TTC6: variants seen among roughly 807,000 people sequenced by gnomAD.
TTC6 encodes the protein tetratricopeptide repeat protein 6.
A neutral mutation model predicts 210.4 loss-of-function variants in TTC6; 172 were observed. The observed-to-expected ratio is 0.82, with a 90% CI of 0.72 to 0.93. The LOEUF is 0.93. Ranked by LOEUF, TTC6 falls within the 40% of genes least tolerant of loss-of-function variation. TTC6 has a pLI of 0.00. For synonymous variants in TTC6, 804 were observed against 819.6 expected, an observed-to-expected ratio of 0.98 and a Z score of 0.32; for missense variants, 2,414 against 2,318.1, an observed-to-expected ratio of 1.04 and a Z score of -0.85.
rs555171405 is a variant in TTC6 at position 37,623,356 on chromosome 14, ACT to A, written c.939+356_939+357del. Among the ~76,000 whole-genome samples, 13 of 151,858 alleles carry A rather than the reference ACT, an allele frequency of 8.6e-5. No homozygotes were observed. The South Asian group carries it at 2.1e-3, about 24-fold the overall frequency. On this transcript the variant is annotated intron_variant, in intron 1 of 30. Coordinates refer to ENST00000553443, the Ensembl canonical transcript of TTC6. ...AAGGAACAGGCATTTTATGTGAAAA[ACT>A]CTTTTTTCTGTTACAGTTTAGTATT...
chr14:37,762,759 A>G (rs529803785), intron 14 of TTC6, among the ~76,000 whole-genome samples: 7 of 151,908 alleles, frequency 4.6e-5, no homozygotes, highest in Non-Finnish European at 7.4e-5. Flanking sequence ...TTTTGTTTTC[A>G]TTCAATTTAT....
chr14:37,793,371 A>C (rs992232809), intron 17 of TTC6, among the ~76,000 whole-genome samples: 1 of 152,200 alleles, frequency 6.6e-6, no homozygotes, highest in Non-Finnish European at 1.5e-5. Context: ...CAAAAAACCC[A>C]AAAACCAAAC....
chr14:37,830,422 T>C (rs2096181967), intron 29 of TTC6, among the ~76,000 whole-genome samples: 1 of 152,032 alleles, frequency 6.6e-6, no homozygotes, highest in Admixed American at 6.6e-5. Flanking sequence ...TTCTGTTTCA[T>C]TGTTCTGATT....
intron 1 of TTC6, among the ~76,000 whole-genome samples, chr14:37,603,146 G>A (rs1179242233): frequency 1.3e-5 from 2 of 152,154 alleles, no homozygotes; most frequent in East Asian, 3.9e-4. Context: ...GTGTGGAGAT[G>A]CGGACCTGGC....
intron 1 of TTC6, among the ~76,000 whole-genome samples, chr14:37,654,811 A>T (rs2095719007): frequency 6.6e-6 from 1 of 152,222 alleles, no homozygotes; most frequent in African/African-American, 2.4e-5. Context: ...ACAAAATTCA[A>T]ATTATTTTAC....
At chr14:37,823,978 G>C in intron 27 of TTC6, 21 bp downstream of exon 29, 2 of 1,602,390 alleles carry the variant, frequency 1.2e-6, no homozygotes, top group Non-Finnish European at 1.7e-6. Context: ...AACATTTTGA[G>C]CATTAAAAGC....
At chr14:37,639,320 T>C (rs1168630356) in intron 1 of TTC6, among the ~76,000 whole-genome samples, 1 of 152,214 alleles carries the variant, frequency 6.6e-6, no homozygotes, top group Non-Finnish European at 1.5e-5. Context: ...AAGGGACTCA[T>C]TTGGGCAAAT....
exon 11 of TTC6, chr14:37,749,144 G>A (rs1269443442): frequency 1.3e-6 from 2 of 1,535,416 alleles, no homozygotes; most frequent in South Asian, 1.2e-5. Flanking sequence ...GAGCATACCT[G>A]TAAAAGAGAA....
At chr14:37,614,253 A>T (rs528710711) in intron 2 of TTC6, among the ~76,000 whole-genome samples, 1 of 152,224 alleles carries the variant, frequency 6.6e-6, no homozygotes, top group African/African-American at 2.4e-5. Context: ...GTATTACTTT[A>T]AAAATGGTTT....
At chr14:37,748,939 A>T in exon 11 of TTC6, 3 of 1,463,754 alleles carry the variant, frequency 2.0e-6, no homozygotes, top group South Asian at 1.4e-5. Flanking sequence ...TAAAAACTAG[A>T]TCAGCATCTC....
intron 5 of TTC6, among the ~76,000 whole-genome samples, chr14:37,703,126 A>G (rs1050235113): frequency 6.6e-6 from 1 of 151,980 alleles, no homozygotes; most frequent in Non-Finnish European, 1.5e-5. Context: ...ACATAAACAT[A>G]ATCTAGTAGG....
intron 28 of TTC6, among the ~76,000 whole-genome samples, chr14:37,826,592 C>T (rs2096172366): frequency 6.6e-6 from 1 of 152,108 alleles, no homozygotes; most frequent in East Asian, 1.9e-4. Flanking sequence ...ACGCTTTATA[C>T]TTTCATGGGA....
intron 1 of TTC6, among the ~76,000 whole-genome samples, chr14:37,645,288 C>T (rs958922429): frequency 6.6e-6 from 1 of 152,188 alleles, no homozygotes; most frequent in Non-Finnish European, 1.5e-5. Flanking sequence ...AAACGGAGGA[C>T]CTGGTCCTAC....
At chr14:37,622,600 T>C in exon 1 of TTC6, 1 of 1,534,500 alleles carries the variant, frequency 6.5e-7, no homozygotes, top group Non-Finnish European at 8.7e-7. Context: ...AGGCGGGTCT[T>C]CCACTTGGGA....
intron 18 of TTC6, among the ~76,000 whole-genome samples, chr14:37,795,564 C>T (rs974564097): frequency 5.9e-5 from 9 of 152,144 alleles, no homozygotes; most frequent in Non-Finnish European, 1.3e-4. Flanking sequence ...TCTACCCTTG[C>T]ATCAAAATAT....
At chr14:37,760,225 T>C (rs1331270691) in intron 14 of TTC6, among the ~76,000 whole-genome samples, 2 of 147,474 alleles carry the variant, frequency 1.4e-5, no homozygotes, top group African/African-American at 4.8e-5. Flanking sequence ...TGTTGCTTTC[T>C]GTTTGTTAGC....
intron 14 of TTC6, among the ~76,000 whole-genome samples, chr14:37,760,076 G>T (rs1217151270): frequency 6.6e-6 from 1 of 152,022 alleles, no homozygotes; most frequent in Non-Finnish European, 1.5e-5. Context: ...TGGAGAAGAG[G>T]CATTCTGGTT....
chr14:37,737,280 A>G (rs1214228359), intron 8 of TTC6, among the ~76,000 whole-genome samples: 1 of 152,102 alleles, frequency 6.6e-6, no homozygotes, highest in Non-Finnish European at 1.5e-5. Flanking sequence ...GGCTCCCACT[A>G]ATGCAGCCCC....
At chr14:37,691,945 C>T (rs35692567) in intron 3 of TTC6, among the ~76,000 whole-genome samples, 8,676 of 151,572 alleles carry the variant, frequency 0.057, 382 homozygotes, top group Non-Finnish European at 0.089. Flanking sequence ...ATGGACAGAT[C>T]CCTAGACACA....
Sources: allele counts gnomAD v4.1 joint callset (sites outside exome capture counted in the v4.1 genomes callset), GRCh38; gene constraint gnomAD v4.1.1; transcripts MANE v1.5; gene names NCBI Gene and HGNC (gene_info 2026-07-23, HGNC 2026-07-21).